The following CMTM8 variants were observed in gnomAD, a reference collection of about 807,000 sequenced individuals.
CMTM8 encodes the protein CKLF-like MARVEL transmembrane domain-containing protein 8.
In CMTM8, 12 loss-of-function variants were observed where a neutral mutation model predicts 18.6. That is an observed-to-expected ratio of 0.65 (90% CI 0.41 to 1.05). CMTM8 has a LOEUF of 1.05. Ranked by LOEUF, CMTM8 falls within the 50% of genes least tolerant of loss-of-function variation. CMTM8 has a pLI of 0.00. For synonymous variants in CMTM8, 87 were observed against 90.6 expected (o/e 0.96, Z 0.23); for missense variants, 217 against 227.2 (o/e 0.95, Z 0.29).
intron 1 of CMTM8, among the ~76,000 whole-genome samples, chr3:32,295,554 G>A (rs1002615040): frequency 2.0e-5 from 3 of 150,324 alleles, no homozygotes; most frequent in African/African-American, 7.4e-5. Flanking sequence ...GACACCCAAT[G>A]AATAGAAGTA....
chr3:32,248,815 T>C (rs1702077179), intron 1 of CMTM8, among the ~76,000 whole-genome samples: 1 of 151,880 alleles, frequency 6.6e-6, no homozygotes, highest in African/African-American at 2.4e-5. Context: ...GGACTACAGG[T>C]GTGGGCCACT....
At chr3:32,266,184 A>T (rs1702341819) in intron 1 of CMTM8, among the ~76,000 whole-genome samples, 2 of 152,258 alleles carry the variant, frequency 1.3e-5, no homozygotes, top group Non-Finnish European at 2.9e-5. Flanking sequence ...TCCCTGATGA[A>T]TATCAATGCA....
chr3:32,364,093 A>T (rs1467517619), intron 2 of CMTM8, among the ~76,000 whole-genome samples: 1 of 152,254 alleles, frequency 6.6e-6, no homozygotes, highest in Non-Finnish European at 1.5e-5. Context: ...ACTCTGGGCC[A>T]GGTGCAGTGG....
At chr3:32,347,052 C>G (rs1457500316) in intron 1 of CMTM8, among the ~76,000 whole-genome samples, 4 of 152,064 alleles carry the variant, frequency 2.6e-5, no homozygotes, top group Non-Finnish European at 5.9e-5. Flanking sequence ...TAGTCTTGAA[C>G]TCCTGGGCTC....
chr3:32,354,337 A>G (rs1398999318), intron 1 of CMTM8, among the ~76,000 whole-genome samples: 1 of 152,198 alleles, frequency 6.6e-6, no homozygotes, highest in Non-Finnish European at 1.5e-5. Flanking sequence ...GATATATTTC[A>G]GTTACCTAGG....
chr3:32,274,987 T>A (rs1702493758), intron 1 of CMTM8, among the ~76,000 whole-genome samples: 1 of 152,150 alleles, frequency 6.6e-6, no homozygotes, highest in Non-Finnish European at 1.5e-5. Flanking sequence ...ATATTGTGAT[T>A]AGTGAATAAA....
intron 1 of CMTM8, among the ~76,000 whole-genome samples, chr3:32,336,222 C>T (rs1324042527): frequency 6.6e-6 from 1 of 152,224 alleles, no homozygotes; most frequent in African/African-American, 2.4e-5. Flanking sequence ...CCCTCCCCCA[C>T]CTTCCTCCCT....
chr3:32,248,386 C>G (rs900894638), intron 1 of CMTM8, among the ~76,000 whole-genome samples: 1 of 151,822 alleles, frequency 6.6e-6, no homozygotes, highest in Non-Finnish European at 1.5e-5. Flanking sequence ...TTTTGACACA[C>G]AGTCTCACTT....
At chr3:32,263,034 A>G (rs1391983568) in intron 1 of CMTM8, among the ~76,000 whole-genome samples, 1 of 152,210 alleles carries the variant, frequency 6.6e-6, no homozygotes, top group Non-Finnish European at 1.5e-5. Context: ...GCTCCAATCT[A>G]CAGCTCCCAG....
At position 32,357,429 on chromosome 3, in the gene CMTM8, C is replaced by A. The variant is rs17854116; in HGVS notation, c.204C>A (p.Pro68=). The A allele has an allele frequency of 1.9e-6, 3 of 1,614,020 alleles. No individual in the cohort carries two copies. The highest frequency in any genetic ancestry group is 2.5e-6 in the Non-Finnish European group (3 of 1,179,986). Residue 68 remains proline, a synonymous_variant, in exon 2 of 4, where the codon CCC becomes CCA. Transcript: ENST00000307526. ...LIAGTEYFRV[P]AFGWVMFVAV... is the part of the protein sequence containing the mutation. ...CTGGAACTGAGTACTTCCGGGTCCC[C>A]GCATTTGGCTGGGTCATGTTTGTAG...
At chr3:32,336,731 C>T (rs187722396) in intron 1 of CMTM8, among the ~76,000 whole-genome samples, 7 of 152,216 alleles carry the variant, frequency 4.6e-5, no homozygotes, top group Non-Finnish European at 5.9e-5. Flanking sequence ...ACTCTCTCAT[C>T]CTCTTTCCTG....
At chr3:32,344,072 C>T (rs780430911) in intron 1 of CMTM8, among the ~76,000 whole-genome samples, 12 of 152,232 alleles carry the variant, frequency 7.9e-5, no homozygotes. Context: ...AGAAGTAGAA[C>T]AGCAAGATAT....
At chr3:32,295,028 C>G (rs1376545098) in intron 1 of CMTM8, among the ~76,000 whole-genome samples, 1 of 152,062 alleles carries the variant, frequency 6.6e-6, no homozygotes, top group Admixed American at 6.5e-5. Context: ...GCAATCCAGC[C>G]TGGGTGACAG....
At chr3:32,239,207 A>G in intron 1 of CMTM8, 88 bp downstream of exon 1, 1 of 1,431,150 alleles carries the variant, frequency 7.0e-7, no homozygotes, top group Non-Finnish European at 9.4e-7. Flanking sequence ...GAGCCTGCTC[A>G]GATCTTCCCG....
At chr3:32,368,502 C>T (rs1388520121) in intron 3 of CMTM8, among the ~76,000 whole-genome samples, 2 of 148,512 alleles carry the variant, frequency 1.3e-5, no homozygotes, top group Non-Finnish European at 3.0e-5. Flanking sequence ...GCTCCATCAC[C>T]CAGGCTGGAG....
At chr3:32,291,132 A>T (rs1191056247) in intron 1 of CMTM8, among the ~76,000 whole-genome samples, 2 of 145,728 alleles carry the variant, frequency 1.4e-5, no homozygotes, top group East Asian at 2.0e-4. Context: ...TAGAGAAGAA[A>T]TTTTTTTTTT....
chr3:32,269,698 A>G (rs1361325695), intron 1 of CMTM8, among the ~76,000 whole-genome samples: 2 of 152,202 alleles, frequency 1.3e-5, no homozygotes, highest in African/African-American at 2.4e-5. Context: ...TGTCTTCTGC[A>G]TGCCCCTAGA....
At position 32,292,200 on chromosome 3, in the gene CMTM8, C is replaced by G. The variant is rs569226747; in HGVS notation, c.147+53081C>G. ...TGCGTGTGGTAGAAATGTCTGCCTC[C>G]CACATTCAATCCACGCCACCTTGGA... On this transcript the variant is annotated intron_variant, in intron 1 of 3. Transcript: ENST00000307526. Among the ~76,000 whole-genome samples the G allele has an allele frequency of 3.3e-5, 5 of 152,238 alleles. No homozygotes were observed. The East Asian group carries it at 9.6e-4, about 29-fold the overall frequency.
intron 1 of CMTM8, among the ~76,000 whole-genome samples, chr3:32,280,717 C>G (rs1365547243): frequency 6.6e-6 from 1 of 151,786 alleles, no homozygotes; most frequent in African/African-American, 2.4e-5. Flanking sequence ...CAGTCAAGAC[C>G]CGTCACTGGT....
Sources: allele counts gnomAD v4.1 joint callset (sites outside exome capture counted in the v4.1 genomes callset), GRCh38; gene constraint gnomAD v4.1.1; transcripts MANE v1.5; gene names NCBI Gene and HGNC (gene_info 2026-07-23, HGNC 2026-07-21).